AHNAK: variants seen among roughly 807,000 people sequenced by gnomAD.
AHNAK encodes the protein neuroblast differentiation-associated protein AHNAK.
In AHNAK, 23 loss-of-function variants were observed where a neutral mutation model predicts 37.8. That is an observed-to-expected ratio of 0.61 (90% CI 0.44 to 0.86). The LOEUF (loss-of-function observed/expected upper bound fraction) is 0.86, where lower values mean the gene tolerates loss of function less well. Among genes scored for constraint, AHNAK ranks in the 40% least tolerant of loss-of-function variants. The pLI is 0.00. For synonymous variants in AHNAK, 2,481 were observed against 2,636.3 expected (o/e 0.94, Z 1.80); for missense variants, 7,411 against 7,319.4 (o/e 1.01, Z -0.46).
intron 5 of AHNAK, among the ~76,000 whole-genome samples, chr11:62,485,178 C>T (rs564853339): frequency 6.6e-6 from 1 of 152,242 alleles, no homozygotes; most frequent in East Asian, 1.9e-4. Flanking sequence ...GCGGGAGGAT[C>T]GTTTGAGCCT....
At chr11:62,491,130 G>A (rs1457720486) in intron 5 of AHNAK, among the ~76,000 whole-genome samples, 1 of 152,082 alleles carries the variant, frequency 6.6e-6, no homozygotes, top group African/African-American at 2.4e-5. Context: ...CCAAAAAACA[G>A]TTTCATTTTG....
intron 5 of AHNAK, among the ~76,000 whole-genome samples, chr11:62,488,553 C>A (rs1223394138): frequency 6.6e-6 from 1 of 151,622 alleles, no homozygotes; most frequent in Non-Finnish European, 1.5e-5. Flanking sequence ...AGGCGCCCAC[C>A]ATGCCCAGCT....
At chr11:62,442,763 G>C (rs916152633) in intron 5 of AHNAK, among the ~76,000 whole-genome samples, 4 of 151,040 alleles carry the variant, frequency 2.6e-5, no homozygotes, top group Non-Finnish European at 4.4e-5. Flanking sequence ...CAGCTACTTG[G>C]GAGGCTGAGA....
At chr11:62,515,644 A>T (rs1192828409), downstream of AHNAK, among the ~76,000 whole-genome samples, 1 of 152,246 alleles carries the variant, frequency 6.6e-6, no homozygotes, top group East Asian at 1.9e-4. Context: ...TTGTATATTC[A>T]TATGTGAGGA....
chr11:62,501,386 A>G (rs1188151827), intron 4 of AHNAK, among the ~76,000 whole-genome samples: 2 of 152,078 alleles, frequency 1.3e-5, no homozygotes, highest in Non-Finnish European at 2.9e-5. Context: ...GGCCAACGTG[A>G]TGAAATTCCA....
chr11:62,528,284 G>T lies in AHNAK; in HGVS notation c.6133C>A (p.His2045Asn). The change falls in exon 5 of 5, where the codon CAC (histidine) becomes AAC (asparagine). Residue 2045 changes from histidine to asparagine, a missense_variant. Transcript: ENST00000378024. ...PDVDVHGPDW[H>N]LKMPKMKMPK... Reference sequence around the variant, plus strand: ...ATTTTCATCTTGGGCATCTTCAGGTGCCAGTCTGGGCCATGAACATCCACA... The same window carrying T: ...ATTTTCATCTTGGGCATCTTCAGGTTCCAGTCTGGGCCATGAACATCCACA... The T allele has an allele frequency of 6.2e-7, 1 of 1,614,122 alleles. No homozygotes were observed.
chr11:62,435,504 G>A (rs1481490476), intron 5 of AHNAK, among the ~76,000 whole-genome samples: 1 of 151,796 alleles, frequency 6.6e-6, no homozygotes, highest in Admixed American at 6.6e-5. Flanking sequence ...TCCGCCCCCC[G>A]GGGTTCCCGC....
chr11:62,497,540 A>G (rs754353033), intron 4 of AHNAK, among the ~76,000 whole-genome samples: 41 of 152,246 alleles, frequency 2.7e-4, no homozygotes, highest in African/African-American at 9.2e-4. Context: ...TAAAACAGTT[A>G]CTAAGTAACA....
intron 2 of AHNAK, 62 bp from the exon 3 acceptor site, chr11:62,536,160 G>A: frequency 6.7e-7 from 1 of 1,489,992 alleles, no homozygotes. Context: ...GAGGGCATGG[G>A]AAAGCTAGCA....
intron 1 of AHNAK, among the ~76,000 whole-genome samples, chr11:62,542,862 G>C (rs766269316): frequency 6.6e-6 from 1 of 152,188 alleles, no homozygotes; most frequent in Non-Finnish European, 1.5e-5. Context: ...GCCCTGTGGG[G>C]TAGATTACAG....
Position 62,533,030 on chromosome 11 carries a change from G to T in AHNAK, c.1387C>A (p.Pro463Thr). 3.7e-6 allele frequency: 6 copies of T among 1,613,864 alleles called. No individual in the cohort carries two copies. Among genetic ancestry groups the T allele is most frequent in the Non-Finnish European group, 5.1e-6 (6 of 1,179,942 alleles). Residue 463 changes from proline to threonine, a missense_variant, in exon 5 of 5, where the codon CCT (proline) becomes ACT (threonine). Transcript: ENST00000378024. ...VTLPTGEVTV[P>T]GVSGDVSLPE... Reference sequence around the variant, plus strand: ...AGGCTGACATCCCCAGAGACCCCAGGAACAGTCACTTCACCTGTAGGCAGT... The same window carrying T: ...AGGCTGACATCCCCAGAGACCCCAGTAACAGTCACTTCACCTGTAGGCAGT...
At position 62,517,595 on chromosome 11, in the gene AHNAK, A is replaced by C; in HGVS notation, c.16822T>G (p.Leu5608Val). Reference protein sequence around the residue: ...KGPQVSSALNLDTSKFAGGLH... With the variant: ...KGPQVSSALNVDTSKFAGGLH... ...CCCCCAGCAAACTTAGATGTGTCCA[A>C]GTTGAGAGCAGAGGAGACTTGGGGT... Residue 5608 changes from leucine to valine, a missense_variant, in exon 5 of 5, where the codon TTG becomes GTG. Transcript: ENST00000378024. 1 of 1,614,154 alleles carries C rather than the reference A, an allele frequency of 6.2e-7. No individual in the cohort carries two copies. Among genetic ancestry groups the C allele is most frequent in the Non-Finnish European group, 8.5e-7 (1 of 1,180,036 alleles).
chr11:62,496,637 G>C (rs1939614118), intron 4 of AHNAK, among the ~76,000 whole-genome samples: 1 of 151,952 alleles, frequency 6.6e-6, no homozygotes, highest in African/African-American at 2.4e-5. Context: ...TCTACTAAAA[G>C]TACAAAAGTT....
At chr11:62,478,228 C>T (rs1939190439) in intron 5 of AHNAK, among the ~76,000 whole-genome samples, 1 of 152,214 alleles carries the variant, frequency 6.6e-6, no homozygotes, top group African/African-American at 2.4e-5. Context: ...ATTCGCTCTT[C>T]TTCTCAGCTA....
chr11:62,492,248 G>A (rs190806647), intron 4 of AHNAK, among the ~76,000 whole-genome samples: 3 of 152,280 alleles, frequency 2.0e-5, no homozygotes, highest in Admixed American at 6.5e-5. Flanking sequence ...AGCACTCATC[G>A]GTTACTGCCC....
At chr11:62,439,068 C>CGTGT in intron 5 of AHNAK, among the ~76,000 whole-genome samples, 1 of 150,988 alleles carries the variant, frequency 6.6e-6, no homozygotes, top group Admixed American at 6.7e-5. Flanking sequence ...GGGATGGACA[C>CGTGT]CCATCCCTCT....
chr11:62,496,665 C>G (rs1283889534), intron 4 of AHNAK, among the ~76,000 whole-genome samples: 2 of 151,920 alleles, frequency 1.3e-5, no homozygotes, highest in African/African-American at 4.8e-5. Context: ...CGTGGTGGCG[C>G]GTGCCTGTAG....
At position 62,523,136 on chromosome 11, in the gene AHNAK, C is replaced by T. The variant is rs751515084; in HGVS notation, c.11281G>A (p.Gly3761Ser). 10 of 1,613,942 alleles carry T rather than the reference C, an allele frequency of 6.2e-6. No individual in the cohort carries two copies. The highest frequency in any genetic ancestry group is 8.5e-6 in the Non-Finnish European group (10 of 1,179,994). The part of the protein sequence containing the change: ...DLNLKGPKVK[G>S]DVDVSLPKME... ...TTGGGCAGAGAAACATCCACATCGCCCTTGACTTTGGGGCCCTTCAGGTTT... is the reference window on the plus strand; with the variant it reads ...TTGGGCAGAGAAACATCCACATCGCTCTTGACTTTGGGGCCCTTCAGGTTT... Residue 3761 changes from glycine (G) to serine (S), a missense_variant, in exon 5 of 5, where the codon GGC (glycine) becomes AGC (serine). Coordinates refer to ENST00000378024, the MANE Select transcript of AHNAK (RefSeq NM_001620.3).
At position 62,521,666 on chromosome 11, in the gene AHNAK, T is replaced by A; in HGVS notation, c.12751A>T (p.Asn4251Tyr). 6.2e-7 allele frequency: 1 copy of A among 1,613,850 alleles called. No individual in the cohort carries two copies. The highest frequency in any genetic ancestry group is 8.5e-7 in the Non-Finnish European group (1 of 1,179,962). ...ATGGAGATCTTGGGGGCTTTGATGT[T>A]CATCTCAGGCATCTTGAATTTAGGG... ...KGPKFKMPEMNIKAPKISMPD... is the reference protein window; with the variant it reads ...KGPKFKMPEMYIKAPKISMPD... Residue 4251 changes from asparagine (N) to tyrosine (Y), a missense_variant, in exon 5 of 5, where the codon AAC becomes TAC. Transcript: ENST00000378024.
Sources: allele counts gnomAD v4.1 joint callset (sites outside exome capture counted in the v4.1 genomes callset), GRCh38; gene constraint gnomAD v4.1.1; transcripts MANE v1.5; gene names NCBI Gene and HGNC (gene_info 2026-07-23, HGNC 2026-07-21).